Variants in CDH7 observed in about 807,000 individuals in gnomAD.
The protein encoded by CDH7 is cadherin-7.
Under a neutral mutation model 71.8 loss-of-function variants are expected in CDH7, and 25 were observed. The ratio of observed to expected loss-of-function variants is 0.35; its 90% confidence interval spans 0.25 to 0.49. CDH7 has a LOEUF of 0.49. Ranked by LOEUF, CDH7 falls within the 20% of genes least tolerant of loss-of-function variation. The probability of loss-of-function intolerance (pLI) is 0.99; values close to 1 mark genes in which losing one functional copy is unlikely to be tolerated. For synonymous variants in CDH7, 381 were observed against 363.8 expected, an observed-to-expected ratio of 1.05 and a Z score of -0.54; for missense variants, 862 against 974.6, an observed-to-expected ratio of 0.88 and a Z score of 1.54.
chr18:65,877,509 T>C (rs1914106525), intron 11 of CDH7, among the ~76,000 whole-genome samples: 1 of 152,158 alleles, frequency 6.6e-6, no homozygotes, highest in Non-Finnish European at 1.5e-5. Flanking sequence ...CGCCTAATTA[T>C]TATATAACTC....
At chr18:65,771,773 A>T (rs931124913) in intron 2 of CDH7, among the ~76,000 whole-genome samples, 4 of 152,064 alleles carry the variant, frequency 2.6e-5, no homozygotes, top group Non-Finnish European at 4.4e-5. Flanking sequence ...TCAGGCCAAG[A>T]GCCTGAGAAT....
chr18:65,822,228 A>G lies in CDH7; in HGVS notation c.773A>G (p.Asn258Ser). Residue 258 changes from asparagine (N) to serine (S), a missense_variant, in exon 5 of 12, where the codon AAT becomes AGT. Coordinates refer to ENST00000397968, the MANE Select transcript of CDH7 (RefSeq NM_004361.5). The part of the protein sequence containing the change: ...VTVTLTDVND[N>S]PPRFPRRSYQ... Reference sequence around the variant, plus strand: ...GTGACCCTAACTGATGTCAACGATAATCCACCTCGCTTTCCTCGAAGTAAG... The same window carrying G: ...GTGACCCTAACTGATGTCAACGATAGTCCACCTCGCTTTCCTCGAAGTAAG... 6.2e-7 allele frequency: 1 copy of G among 1,610,246 alleles called. No homozygotes were observed. The highest frequency in any genetic ancestry group is 8.5e-7 in the Non-Finnish European group (1 of 1,176,968).
intron 4 of CDH7, among the ~76,000 whole-genome samples, chr18:65,821,233 C>T (rs1911916470): frequency 6.6e-6 from 1 of 151,792 alleles, no homozygotes; most frequent in African/African-American, 2.4e-5. Flanking sequence ...TCAATATTTG[C>T]TTTGTTGTAA....
In CDH7 at chr18:65,883,870, A is replaced by T. The variant is rs1186837424; in HGVS notation, c.*2976A>T. ...CAATGTATGTGGTAGTGATTTCCTG[A>T]AGTGAAATCCTTGGAGCTACTTGTA... On this transcript the variant is annotated 3_prime_UTR_variant, in exon 12 of 12. Transcript: ENST00000397968. 6.6e-6 allele frequency: 1 copy of T among 152,146 alleles called. No individual in the cohort carries two copies. The highest frequency in any genetic ancestry group is 1.5e-5 in the Non-Finnish European group (1 of 67,992). 9.4% of individuals were successfully genotyped at this position (152,146 alleles called of 1,614,324 possible).
intron 4 of CDH7, among the ~76,000 whole-genome samples, chr18:65,819,342 C>A (rs1029137537): frequency 2.0e-5 from 3 of 152,114 alleles, no homozygotes; most frequent in African/African-American, 2.4e-5. Context: ...GGGCACGCTG[C>A]CTGTGAGTTC....
chr18:65,796,138 T>C (rs1192684380), intron 2 of CDH7, among the ~76,000 whole-genome samples: 1 of 152,214 alleles, frequency 6.6e-6, no homozygotes, highest in African/African-American at 2.4e-5. Context: ...GTGTATGTTA[T>C]TGACATAGAT....
chr18:65,801,063 A>G (rs1366021704), intron 2 of CDH7, among the ~76,000 whole-genome samples: 1 of 152,148 alleles, frequency 6.6e-6, no homozygotes, highest in Non-Finnish European at 1.5e-5. Flanking sequence ...TTATTTGTTC[A>G]ACTTTCTACA....
chr18:65,852,986 G>A lies in CDH7; in HGVS notation c.1236-4830G>A, dbSNP rs554605922. ...TAATGATGGTAAAGCCATCTATAAAGCAGTGTTCAAAAATTTCAGGAACTA... is the reference window on the plus strand; with the variant it reads ...TAATGATGGTAAAGCCATCTATAAAACAGTGTTCAAAAATTTCAGGAACTA... On this transcript the variant is annotated intron_variant, in intron 7 of 11. Coordinates refer to ENST00000397968, the MANE Select transcript of CDH7 (RefSeq NM_004361.5). 5.9e-5 allele frequency among the ~76,000 whole-genome samples: 9 copies of A among 152,264 alleles called. No homozygotes were observed. In the East Asian group the frequency reaches 1.3e-3, roughly 23 times the overall value.
At chr18:65,789,479 T>G (rs905445023) in intron 2 of CDH7, among the ~76,000 whole-genome samples, 6 of 148,900 alleles carry the variant, frequency 4.0e-5, no homozygotes, top group Admixed American at 1.3e-4. Context: ...TTGTTTGTTT[T>G]TTTTTGTTTG....
intron 6 of CDH7, among the ~76,000 whole-genome samples, chr18:65,833,583 A>G (rs1020741248): frequency 6.6e-6 from 1 of 152,110 alleles, no homozygotes. Flanking sequence ...TTCAGATTAT[A>G]TTTTCCACTT....
intron 6 of CDH7, among the ~76,000 whole-genome samples, chr18:65,835,131 GGC>G (rs1912489268): frequency 6.6e-6 from 1 of 152,118 alleles, no homozygotes; most frequent in South Asian, 2.1e-4. Flanking sequence ...TCATCCCATG[GGC>G]TACCTGGGCT....
intron 1 of CDH7, among the ~76,000 whole-genome samples, chr18:65,754,701 A>G (rs1338458023): frequency 6.6e-6 from 1 of 152,208 alleles, no homozygotes; most frequent in Admixed American, 6.5e-5. Context: ...CCAAAAGGGT[A>G]CAATAGGAAT....
At chr18:65,851,772 CAGAAAAGCACAGA>C (rs375184642) in intron 7 of CDH7, among the ~76,000 whole-genome samples, 4 of 152,092 alleles carry the variant, frequency 2.6e-5, no homozygotes, top group African/African-American at 9.7e-5. Context: ...AATGAAGAAA[CAGAAAAGCACAGA>C]TGAAAAGCCC....
chr18:65,884,935 C>T lies in CDH7; in HGVS notation c.*4041C>T, dbSNP rs1213144129. 1 of 152,146 alleles carries T rather than the reference C, an allele frequency of 6.6e-6. No individual in the cohort carries two copies. Among genetic ancestry groups the T allele is most frequent in the African/African-American group, 2.4e-5 (1 of 41,442 alleles). 9.4% of individuals were successfully genotyped at this position (152,146 alleles called of 1,614,324 possible). A position where few individuals can be genotyped will look rare whatever the true frequency, so the allele number is the denominator to read the frequency against. On this transcript the variant is annotated 3_prime_UTR_variant, in exon 12 of 12. Transcript: ENST00000397968. ...GAAAGCTTCAACTTATTTTTTAACTCTTTCTGGTCCACGATGCCTGGAGGC... is the reference window on the plus strand; with the variant it reads ...GAAAGCTTCAACTTATTTTTTAACTTTTTCTGGTCCACGATGCCTGGAGGC...
At chr18:65,849,169 A>G (rs1913041126) in intron 7 of CDH7, among the ~76,000 whole-genome samples, 1 of 152,148 alleles carries the variant, frequency 6.6e-6, no homozygotes. Context: ...CTCTATTTCA[A>G]AATGCTGCTC....
chr18:65,770,421 C>A (rs1416155870), intron 2 of CDH7, among the ~76,000 whole-genome samples: 2 of 152,004 alleles, frequency 1.3e-5, no homozygotes, highest in Non-Finnish European at 2.9e-5. Flanking sequence ...CACTTAGAAT[C>A]CTATAAGTTA....
chr18:65,820,212 G>A (rs923306233), intron 4 of CDH7, among the ~76,000 whole-genome samples: 2 of 149,810 alleles, frequency 1.3e-5, no homozygotes, highest in Admixed American at 6.7e-5. Flanking sequence ...TATAGCTATA[G>A]AAAAATTATT....
intron 2 of CDH7, among the ~76,000 whole-genome samples, chr18:65,766,434 T>C (rs1318886481): frequency 1.3e-5 from 2 of 152,084 alleles, no homozygotes; most frequent in Admixed American, 1.3e-4. Flanking sequence ...AAGTAGAACA[T>C]TCTGTTGAAG....
At chr18:65,791,402 G>A (rs940571342) in intron 2 of CDH7, among the ~76,000 whole-genome samples, 2 of 152,158 alleles carry the variant, frequency 1.3e-5, no homozygotes, top group South Asian at 4.2e-4. Context: ...TATGTGGTTT[G>A]TAAGCTATAT....
Sources: gnomAD v4.1 joint callset for allele counts (sites outside exome capture counted in the v4.1 genomes callset) on GRCh38, gnomAD v4.1.1 for gene constraint, MANE v1.5 for transcripts, NCBI Gene and HGNC (gene_info 2026-07-23, HGNC 2026-07-21) for gene names.